NAV3: variants seen among roughly 807,000 people sequenced by gnomAD.
NAV3 encodes the protein neuron navigator 3.
Under a neutral mutation model 244.7 loss-of-function variants are expected in NAV3, and 87 were observed. That is an observed-to-expected ratio of 0.36 (90% CI 0.30 to 0.42). The LOEUF is 0.42. NAV3 is among the 20% of genes least tolerant of loss of function. The probability of loss-of-function intolerance (pLI) is 1.00; values close to 1 mark genes in which losing one functional copy is unlikely to be tolerated. For synonymous variants in NAV3, 1,126 were observed against 1,042.2 expected, an observed-to-expected ratio of 1.08 and a Z score of -1.55; for missense variants, 2,663 against 2,893.3, an observed-to-expected ratio of 0.92 and a Z score of 1.83.
At chr12:78,050,559 C>T (rs1053660855) in intron 10 of NAV3, among the ~76,000 whole-genome samples, 1 of 152,248 alleles carries the variant, frequency 6.6e-6, no homozygotes, top group Middle Eastern at 3.4e-3. Flanking sequence ...TACTGATGGC[C>T]TTTCTTTTGA....
chr12:77,980,331 G>A (rs1869339157), intron 5 of NAV3, among the ~76,000 whole-genome samples: 1 of 152,042 alleles, frequency 6.6e-6, no homozygotes, highest in African/African-American at 2.4e-5. Flanking sequence ...TATTTTCTTT[G>A]CATTAAATGG....
Position 78,179,661 on chromosome 12 carries a change from G to A in NAV3, c.5496G>A (p.Arg1832=). Residue 1832 remains arginine, a synonymous_variant, in exon 29 of 40, where the codon CGG becomes CGA. Coordinates refer to ENST00000397909, the MANE Select transcript of NAV3 (RefSeq NM_001024383.2). ...CTGCTCATCATCTTGATCAGATCCG[G>A]GAAGCCATGAACCGGATGCAGGTTG... ...LSSAHHLDQI[R]EAMNRMQNEI... is the part of the protein sequence containing the mutation. 6.2e-7 allele frequency: 1 copy of A among 1,612,436 alleles called. No homozygotes were observed. The highest frequency in any genetic ancestry group is 8.5e-7 in the Non-Finnish European group (1 of 1,179,082).
intron 1 of NAV3, 72 bp from the exon 2 acceptor site, chr12:77,940,247 T>G: frequency 9.1e-7 from 1 of 1,099,308 alleles, no homozygotes; most frequent in Non-Finnish European, 1.4e-6. Context: ...GAATCCAACA[T>G]TTGTCTTCAG....
intron 1 of NAV3, among the ~76,000 whole-genome samples, chr12:77,867,957 G>A (rs1484822372): frequency 6.6e-6 from 1 of 152,148 alleles, no homozygotes; most frequent in East Asian, 1.9e-4. Flanking sequence ...GATTAGAAAG[G>A]GAAGTGGACT....
chr12:78,142,878 G>C (rs929366507), intron 20 of NAV3, among the ~76,000 whole-genome samples: 7 of 151,714 alleles, frequency 4.6e-5, no homozygotes, highest in African/African-American at 1.5e-4. Flanking sequence ...TGATGAAAAT[G>C]ATATATTTGA....
At chr12:77,861,057 G>A (rs576637590) in intron 1 of NAV3, among the ~76,000 whole-genome samples, 2 of 151,782 alleles carry the variant, frequency 1.3e-5, no homozygotes, top group South Asian at 2.1e-4. Flanking sequence ...AATTTGTCCC[G>A]AGCATTCATT....
intron 12 of NAV3, among the ~76,000 whole-genome samples, chr12:78,084,412 G>A (rs1249243768): frequency 6.6e-6 from 1 of 152,084 alleles, no homozygotes; most frequent in Non-Finnish European, 1.5e-5. Context: ...TGTGATCAAA[G>A]TCATAGCTCT....
chr12:77,825,519 G>T (rs1872944119), intron 2 of NAV3, among the ~76,000 whole-genome samples: 1 of 152,024 alleles, frequency 6.6e-6, no homozygotes, highest in East Asian at 1.9e-4. Context: ...TAAGTTAATG[G>T]TTTATATAGT....
intron 2 of NAV3, among the ~76,000 whole-genome samples, chr12:77,741,163 A>AAG (rs1289651920): frequency 4.0e-5 from 6 of 148,946 alleles, no homozygotes; most frequent in Admixed American, 2.7e-4. Flanking sequence ...AAAAAAAAAA[A>AAG]AAAGAAAAGA....
intron 9 of NAV3, among the ~76,000 whole-genome samples, chr12:78,043,886 T>C (rs962007966): frequency 6.6e-6 from 1 of 152,254 alleles, no homozygotes; most frequent in African/African-American, 2.4e-5. Context: ...AGGTTGCCTG[T>C]TCACTCTGAT....
At chr12:77,841,111 A>C (rs1214208424) in intron 1 of NAV3, among the ~76,000 whole-genome samples, 1 of 152,196 alleles carries the variant, frequency 6.6e-6, no homozygotes, top group Non-Finnish European at 1.5e-5. Flanking sequence ...GGTAGAGTTC[A>C]TTAATTGGTT....
chr12:77,594,413 G>A (rs1870073551), intron 2 of NAV3, among the ~76,000 whole-genome samples: 1 of 152,102 alleles, frequency 6.6e-6, no homozygotes, highest in African/African-American at 2.4e-5. Context: ...AAATCCTTGT[G>A]TATAATAATG....
chr12:78,088,438 C>T (rs370781472), intron 12 of NAV3, among the ~76,000 whole-genome samples: 3 of 152,218 alleles, frequency 2.0e-5, no homozygotes, highest in African/African-American at 7.2e-5. Flanking sequence ...AGGGAAGACC[C>T]AGTGATCACA....
chr12:78,118,309 G>A lies in NAV3; in HGVS notation c.3040+12G>A, dbSNP rs1275023424. ...ACTCAAAACACCCGGTAGGCTTGTC[G>A]TTTGCCAGCTGTTATGCAAAAGTGC... On this transcript the variant is annotated intron_variant, in intron 14 of 39. Transcript: ENST00000397909. The A allele has an allele frequency of 1.1e-5, 17 of 1,579,280 alleles. No individual in the cohort carries two copies. The East Asian group carries it at 1.4e-4, about 13-fold the overall frequency.
At chr12:77,592,849 C>G (rs1458588168) in intron 2 of NAV3, among the ~76,000 whole-genome samples, 1 of 152,128 alleles carries the variant, frequency 6.6e-6, no homozygotes, top group African/African-American at 2.4e-5. Context: ...TTTTGTTTAG[C>G]AAAGCCTATA....
chr12:78,114,607 C>T (rs148752009), intron 12 of NAV3, among the ~76,000 whole-genome samples: 159 of 152,202 alleles, frequency 1.0e-3, no homozygotes, highest in Non-Finnish European at 1.4e-3. Flanking sequence ...ATGAGGGTAA[C>T]CATGTCCATG....
chr12:78,134,188 A>G (rs1292156777), intron 18 of NAV3, among the ~76,000 whole-genome samples: 1 of 152,182 alleles, frequency 6.6e-6, no homozygotes, highest in Non-Finnish European at 1.5e-5. Flanking sequence ...TCTACCTTGA[A>G]TCCTTTCCCA....
At chr12:78,071,907 A>T (rs968867765) in intron 12 of NAV3, among the ~76,000 whole-genome samples, 7 of 152,218 alleles carry the variant, frequency 4.6e-5, no homozygotes, top group African/African-American at 1.7e-4. Flanking sequence ...AACTACATGG[A>T]AACTGAACAA....
chr12:78,023,025 T>G (rs1421410769), intron 9 of NAV3, among the ~76,000 whole-genome samples: 1 of 152,156 alleles, frequency 6.6e-6, no homozygotes, highest in Non-Finnish European at 1.5e-5. Context: ...GACTTTCCAT[T>G]AACTCTGGGT....
Sources: gnomAD v4.1 joint callset for allele counts (sites outside exome capture counted in the v4.1 genomes callset) on GRCh38, gnomAD v4.1.1 for gene constraint, MANE v1.5 for transcripts, NCBI Gene and HGNC (gene_info 2026-07-23, HGNC 2026-07-21) for gene names.